The following NOX5 variants were observed in gnomAD, a reference collection of about 807,000 sequenced individuals.
NOX5 encodes the protein NADPH oxidase, EF-hand calcium binding domain 5.
NOX5 carries 76 observed loss-of-function variants against 85.7 expected under a neutral mutation model. That is an observed-to-expected ratio of 0.89 (90% CI 0.74 to 1.07). The LOEUF (loss-of-function observed/expected upper bound fraction) is 1.07, where lower values mean the gene tolerates loss of function less well. NOX5 is among the 50% of genes least tolerant of loss of function. NOX5 has a pLI of 0.00. For missense variants in NOX5, 973 were observed against 999.5 expected, an observed-to-expected ratio of 0.97 and a Z score of 0.36; for synonymous variants, 405 against 401.4, an observed-to-expected ratio of 1.01 and a Z score of -0.11.
At chr15:69,050,238 AAAG>A (rs1481139406) in intron 14 of NOX5, among the ~76,000 whole-genome samples, 1 of 152,256 alleles carries the variant, frequency 6.6e-6, no homozygotes, top group Non-Finnish European at 1.5e-5. Flanking sequence ...TATCTTTTAA[AAAG>A]AAATTTAAAA....
chr15:69,014,803 C>T lies in NOX5; in HGVS notation c.50+18C>T, dbSNP rs570362216. On this transcript the variant is annotated intron_variant, in intron 1 of 15. Coordinates refer to ENST00000388866, the MANE Select transcript of NOX5 (RefSeq NM_024505.4). Reference sequence around the variant, plus strand: ...TGTAGAGGGTGAGTGGCTCATTTGTCCAGCTTTCCATGCCAGGGACAAGGG... The same window carrying T: ...TGTAGAGGGTGAGTGGCTCATTTGTTCAGCTTTCCATGCCAGGGACAAGGG... 20 of 1,518,824 alleles carry T rather than the reference C, an allele frequency of 1.3e-5. No homozygotes were observed. The South Asian group carries it at 2.0e-4, about 15-fold the overall frequency. The allele number at this position is 1,518,824 out of a possible 1,614,324, so 94.1% of individuals were successfully genotyped here. A position where few individuals can be genotyped will look rare whatever the true frequency, so the allele number is the denominator to read the frequency against.
intron 9 of NOX5, among the ~76,000 whole-genome samples, chr15:69,042,338 G>T (rs1028273716): frequency 3.3e-5 from 5 of 152,224 alleles, no homozygotes; most frequent in Admixed American, 6.5e-5. Flanking sequence ...GCCTGTTTTG[G>T]TGAGTCCTTG....
rs1406008186 is a variant in NOX5 at position 69,031,572 on chromosome 15, C to A, written c.380C>A (p.Pro127Gln). ...ACAGAGTGGGGTGCTGGGGCAGGCCCGCACTGGGCTTCATCCCCACTCGGG... is the reference window on the plus strand; with the variant it reads ...ACAGAGTGGGGTGCTGGGGCAGGCCAGCACTGGGCTTCATCCCCACTCGGG... ...AGTEWGAGAG[P>Q]HWASSPLGTG... Residue 127 changes from proline (P) to glutamine (Q), a missense_variant, in exon 4 of 16, where the codon CCG becomes CAG. Coordinates refer to ENST00000388866, the MANE Select transcript of NOX5 (RefSeq NM_024505.4). 1 of 1,612,538 alleles carries A rather than the reference C, an allele frequency of 6.2e-7. No homozygotes were observed. Among genetic ancestry groups the A allele is most frequent in the African/African-American group, 1.3e-5 (1 of 74,948 alleles).
intron 10 of NOX5, among the ~76,000 whole-genome samples, chr15:69,044,353 G>A (rs951384841): frequency 6.6e-6 from 1 of 152,146 alleles, no homozygotes; most frequent in Non-Finnish European, 1.5e-5. Context: ...CTTCTGGTGG[G>A]GAGACAGACA....
intron 1 of NOX5, among the ~76,000 whole-genome samples, chr15:69,024,957 A>G (rs1402363904): frequency 6.6e-6 from 1 of 152,138 alleles, no homozygotes; most frequent in Non-Finnish European, 1.5e-5. Context: ...TTCTTTGTCT[A>G]GTTGCTTATG....
chr15:69,043,344 G>A (rs1387140975), intron 10 of NOX5, among the ~76,000 whole-genome samples: 3 of 152,166 alleles, frequency 2.0e-5, no homozygotes, highest in Non-Finnish European at 4.4e-5. Flanking sequence ...GTGTCATCAA[G>A]GCTTTGGAGG....
chr15:69,020,387 T>C (rs1424989608), intron 1 of NOX5, among the ~76,000 whole-genome samples: 2 of 152,158 alleles, frequency 1.3e-5, no homozygotes, highest in Non-Finnish European at 2.9e-5. Context: ...TTCCTATAAT[T>C]TCTGCTAATT....
At chr15:69,027,731 G>A (rs2050376409) in intron 2 of NOX5, among the ~76,000 whole-genome samples, 1 of 152,152 alleles carries the variant, frequency 6.6e-6, no homozygotes, top group South Asian at 2.1e-4. Flanking sequence ...TAAAATGTAG[G>A]CAGCCTTAAG....
At chr15:69,042,372 C>T (rs1205931490) in intron 9 of NOX5, among the ~76,000 whole-genome samples, 1 of 152,228 alleles carries the variant, frequency 6.6e-6, no homozygotes, top group Non-Finnish European at 1.5e-5. Context: ...GGCAGAGTCC[C>T]TGCCTTTAGA....
intron 1 of NOX5, chr15:69,024,291 T>C (rs385624): frequency 0.49 from 74,316 of 152,064 alleles, 19,200 homozygotes; most frequent in Non-Finnish European, 0.59. Context: ...AGTACAGCCC[T>C]GTTACACATG....
chr15:69,025,232 T>C (rs1163549437), intron 1 of NOX5, among the ~76,000 whole-genome samples: 1 of 152,176 alleles, frequency 6.6e-6, no homozygotes, highest in Non-Finnish European at 1.5e-5. Flanking sequence ...ATTGAACTCA[T>C]GGCCAACAGC....
intron 10 of NOX5, 146 bp downstream of exon 10, chr15:69,042,951 C>T (rs993885220): frequency 3.6e-6 from 3 of 828,842 alleles, no homozygotes; most frequent in African/African-American, 1.7e-5. Context: ...ACTGCTAACT[C>T]CGTGGTCCAA....
chr15:69,061,817 A>G lies in NOX5; in HGVS notation c.*5121A>G, dbSNP rs1432865815. On this transcript the variant is annotated 3_prime_UTR_variant, in exon 16 of 16. Coordinates refer to ENST00000388866, the MANE Select transcript of NOX5 (RefSeq NM_024505.4). Reference sequence around the variant, plus strand: ...GTGAGTGTAGCCTGCTGGAGAAACAAAGAAAGACAGGTAGTGAGTTTTAGT... The same window carrying G: ...GTGAGTGTAGCCTGCTGGAGAAACAGAGAAAGACAGGTAGTGAGTTTTAGT... 2 of 152,186 alleles carry G rather than the reference A, an allele frequency of 1.3e-5. No homozygotes were observed. Among genetic ancestry groups the G allele is most frequent in the Non-Finnish European group, 2.9e-5 (2 of 68,032 alleles). 9.4% of individuals were successfully genotyped at this position (152,186 alleles called of 1,614,324 possible). A position where few individuals can be genotyped will look rare whatever the true frequency, so the allele number is the denominator to read the frequency against.
rs529583968 is a variant in NOX5, at chr15:69,054,159, C to T, written c.2000-1175C>T. 2.6e-5 allele frequency among the ~76,000 whole-genome samples: 4 copies of T among 152,136 alleles called. No individual in the cohort carries two copies. In the South Asian group the frequency reaches 8.3e-4, roughly 32 times the overall value. ...CCCTGCCAACTCTGGCTTGAACCGACGCTCAAGCCTAAGGCAGCACTCACC... is the reference window on the plus strand; with the variant it reads ...CCCTGCCAACTCTGGCTTGAACCGATGCTCAAGCCTAAGGCAGCACTCACC... On this transcript the variant is annotated intron_variant, in intron 14 of 15. Transcript: ENST00000388866.
intron 7 of NOX5, among the ~76,000 whole-genome samples, 175 bp downstream of exon 7, chr15:69,036,111 C>T (rs2050513462): frequency 6.6e-6 from 1 of 152,210 alleles, no homozygotes; most frequent in Admixed American, 6.5e-5. Context: ...TAGTTTATGT[C>T]TGCCAAGTGT....
chr15:69,038,922 G>A lies in NOX5; in HGVS notation c.1437G>A (p.Leu479=). Residue 479 remains leucine (L), a synonymous_variant, in exon 9 of 16, where the codon CTG becomes CTA. Transcript: ENST00000388866. ...ATAGACCTGGTGACTACTTGTATCT[G>A]AACATCCCCACCATTGCTCGCTATG... is the stretch of plus-strand genomic sequence containing the variant. ...FHYRPGDYLY[L]NIPTIARYEW... The A allele has an allele frequency of 6.2e-7, 1 of 1,614,038 alleles. No individual in the cohort carries two copies. Among genetic ancestry groups the A allele is most frequent in the South Asian group, 1.1e-5 (1 of 91,070 alleles).
chr15:69,046,263 G>A (rs7178289), intron 10 of NOX5: 4,870 of 152,678 alleles, frequency 0.032, 203 homozygotes, highest in East Asian at 0.22. Context: ...CCTAGGGCCT[G>A]GGGAGCTGTG....
chr15:69,047,532 G>A lies in NOX5; in HGVS notation c.1812G>A (p.Met604Ile). ...TPFASILQSIMYRHQKRKHTC... is the reference protein window; with the variant it reads ...TPFASILQSIIYRHQKRKHTC... ...TTGCTTCCATTCTGCAGAGTATCAT[G>A]TACAGGTGGGTGAACAGTGTGCTCC... The change falls in exon 12 of 16, where the codon ATG (methionine) becomes ATA (isoleucine). Residue 604 changes from methionine (M) to isoleucine (I), a missense_variant. Coordinates refer to ENST00000388866, the MANE Select transcript of NOX5 (RefSeq NM_024505.4). The A allele has an allele frequency of 6.2e-7, 1 of 1,613,592 alleles. No homozygotes were observed. The highest frequency in any genetic ancestry group is 8.5e-7 in the Non-Finnish European group (1 of 1,179,814).
In NOX5 at chr15:69,031,786, C is replaced by G. The variant is rs767232834; in HGVS notation, c.594C>G (p.Pro198=). Residue 198 remains proline, a synonymous_variant, in exon 4 of 16, where the codon CCC becomes CCG. Transcript: ENST00000388866. ...EELRDELQRF[P]GVMENLTISA... ...TCCGGGACGAGCTGCAGCGCTTCCC[C>G]GGAGTCATGGAGAACCTGACCATCA... 2.5e-6 allele frequency: 4 copies of G among 1,603,916 alleles called. No individual in the cohort carries two copies. The East Asian group carries it at 9.0e-5, about 36-fold the overall frequency.
Sources: allele counts gnomAD v4.1 joint callset (sites outside exome capture counted in the v4.1 genomes callset), GRCh38; gene constraint gnomAD v4.1.1; transcripts MANE v1.5; gene names NCBI Gene and HGNC (gene_info 2026-07-23, HGNC 2026-07-21).